Variants in ASIC2 observed in about 807,000 individuals in gnomAD.
ASIC2 encodes acid sensing ion channel subunit 2, also known as acid-sensing ion channel 2.
A neutral mutation model predicts 57.3 loss-of-function variants in ASIC2; 25 were observed. The ratio of observed to expected loss-of-function variants is 0.44; its 90% CI spans 0.32 to 0.61. ASIC2 has a LOEUF of 0.61. Among genes scored for constraint, ASIC2 ranks in the 20% least tolerant of loss-of-function variants. The pLI, the probability that ASIC2 is intolerant of heterozygous loss-of-function variation, is 0.06. For missense variants in ASIC2, 641 were observed against 738.1 expected, an observed-to-expected ratio of 0.87 and a Z score of 1.52; for synonymous variants, 319 against 307.5, an observed-to-expected ratio of 1.04 and a Z score of -0.39.
intron 1 of ASIC2, among the ~76,000 whole-genome samples, chr17:33,241,413 C>T (rs956161960): frequency 6.6e-6 from 1 of 152,204 alleles, no homozygotes; most frequent in Admixed American, 6.5e-5. Flanking sequence ...CCCCTTCCTT[C>T]TCTGCTCTCA....
intron 1 of ASIC2, among the ~76,000 whole-genome samples, chr17:33,366,437 T>C (rs1908812519): frequency 1.3e-5 from 2 of 152,208 alleles, no homozygotes; most frequent in Admixed American, 6.5e-5. Flanking sequence ...CCTTGGTACC[T>C]GCACATGCAC....
At chr17:33,297,866 ATAAT>A (rs1905783914), upstream of ASIC2, among the ~76,000 whole-genome samples, 2 of 135,546 alleles carry the variant, frequency 1.5e-5, no homozygotes. Context: ...AAATAAATAA[ATAAT>A]AAAGTTTATT....
At chr17:33,174,961 C>T (rs1273535470) in intron 1 of ASIC2, among the ~76,000 whole-genome samples, 1 of 152,106 alleles carries the variant, frequency 6.6e-6, no homozygotes, top group Non-Finnish European at 1.5e-5. Context: ...TGTGGATGGA[C>T]CCTCCTCTCT....
intron 1 of ASIC2, among the ~76,000 whole-genome samples, chr17:33,938,244 G>A (rs1321382682): frequency 6.6e-6 from 1 of 152,120 alleles, no homozygotes; most frequent in Non-Finnish European, 1.5e-5. Flanking sequence ...TAGGAAGCTG[G>A]GCCAGCACCA....
intron 1 of ASIC2, among the ~76,000 whole-genome samples, chr17:33,838,649 C>T (rs995463282): frequency 6.6e-6 from 1 of 152,094 alleles, no homozygotes; most frequent in Non-Finnish European, 1.5e-5. Flanking sequence ...TATTTGTGTG[C>T]CTCTGTACAC....
At chr17:33,983,386 G>A (rs969802062) in intron 1 of ASIC2, among the ~76,000 whole-genome samples, 5 of 152,162 alleles carry the variant, frequency 3.3e-5, no homozygotes, top group Admixed American at 3.3e-4. Flanking sequence ...AATGTGAGAT[G>A]AAATGCTCCC....
intron 1 of ASIC2, among the ~76,000 whole-genome samples, chr17:33,150,900 G>C (rs552905196): frequency 1.7e-4 from 26 of 150,510 alleles, no homozygotes; most frequent in Middle Eastern, 6.9e-3. Context: ...TGTGGTGTCA[G>C]GCACTTGTAA....
At chr17:33,148,357 G>T (rs1287487988) in intron 1 of ASIC2, among the ~76,000 whole-genome samples, 2 of 152,198 alleles carry the variant, frequency 1.3e-5, no homozygotes, top group African/African-American at 2.4e-5. Flanking sequence ...ACAGGAAGTG[G>T]CAAAGCCAGG....
intron 1 of ASIC2, among the ~76,000 whole-genome samples, chr17:33,985,077 C>T (rs944467572): frequency 1.3e-5 from 2 of 152,156 alleles, no homozygotes; most frequent in East Asian, 3.9e-4. Context: ...CCAAGAGGCC[C>T]AGGCTTCTTC....
At chr17:34,037,505 A>T in intron 1 of ASIC2, 1 of 1,204,634 alleles carries the variant, frequency 8.3e-7, no homozygotes, top group Non-Finnish European at 1.1e-6. Flanking sequence ...AGAAAATAGA[A>T]GCACCTGGTA....
At chr17:33,491,701 A>C (rs1352040713) in intron 1 of ASIC2, among the ~76,000 whole-genome samples, 1 of 152,170 alleles carries the variant, frequency 6.6e-6, no homozygotes, top group African/African-American at 2.4e-5. Context: ...CATCCCTCTT[A>C]GTGACCGATG....
intron 1 of ASIC2, among the ~76,000 whole-genome samples, chr17:33,458,493 GT>G (rs1445999738): frequency 6.6e-6 from 1 of 152,212 alleles, no homozygotes; most frequent in African/African-American, 2.4e-5. Context: ...GGGCTCTGAA[GT>G]TGGACCGTTG....
intron 1 of ASIC2, chr17:34,005,061 G>A (rs1238964890): frequency 6.6e-6 from 1 of 152,080 alleles, no homozygotes; most frequent in African/African-American, 2.4e-5. Context: ...CTCTCTTTCA[G>A]GGGATGAGGG....
intron 1 of ASIC2, among the ~76,000 whole-genome samples, chr17:33,888,742 T>C (rs1457794544): frequency 1.3e-5 from 2 of 152,076 alleles, no homozygotes; most frequent in Admixed American, 1.3e-4. Context: ...CTCCCTGAAC[T>C]GCAGTTCTGA....
intron 1 of ASIC2, among the ~76,000 whole-genome samples, chr17:33,896,613 G>A (rs1353803576): frequency 6.6e-6 from 1 of 152,198 alleles, no homozygotes; most frequent in Non-Finnish European, 1.5e-5. Flanking sequence ...TCCTATCGGG[G>A]GCTGTCTGTA....
In ASIC2 at chr17:33,201,824, G is replaced by T. The variant is rs531471072; in HGVS notation, c.708+89584C>A. Among the ~76,000 whole-genome samples, 366 of 152,196 alleles carry T rather than the reference G, an allele frequency of 2.4e-3. 1 individual carries two copies. Among genetic ancestry groups the T allele is most frequent in the Non-Finnish European group, 3.8e-3 (255 of 67,996 alleles). On this transcript the variant is annotated intron_variant, in intron 1 of 9. Coordinates refer to ENST00000225823, the MANE Select transcript of ASIC2 (RefSeq NM_183377.2). ...GCAGGCAGATCACTTGAGCCCAGAAGTTCGAGACCAGCCTGGGGAACATGG... is the reference window on the plus strand; with the variant it reads ...GCAGGCAGATCACTTGAGCCCAGAATTTCGAGACCAGCCTGGGGAACATGG...
intron 1 of ASIC2, among the ~76,000 whole-genome samples, chr17:33,991,807 A>G (rs1906006874): frequency 6.6e-6 from 1 of 152,194 alleles, no homozygotes; most frequent in African/African-American, 2.4e-5. Context: ...TTTTCACACA[A>G]TTACAGCCTG....
chr17:34,135,698 A>G (rs1912107322), intron 1 of ASIC2, among the ~76,000 whole-genome samples: 1 of 152,170 alleles, frequency 6.6e-6, no homozygotes, highest in African/African-American at 2.4e-5. Context: ...GTCTACAGTC[A>G]GTAATTCACA....
chr17:33,675,038 T>C (rs902453268), intron 1 of ASIC2, among the ~76,000 whole-genome samples: 8 of 152,212 alleles, frequency 5.3e-5, no homozygotes, highest in African/African-American at 1.7e-4. Context: ...TTGGACACAA[T>C]AGTTACACAA....
Sources: gnomAD v4.1 joint callset for allele counts (sites outside exome capture counted in the v4.1 genomes callset) on GRCh38, gnomAD v4.1.1 for gene constraint, MANE v1.5 for transcripts, NCBI Gene and HGNC (gene_info 2026-07-23, HGNC 2026-07-21) for gene names.